The following FBXW7 variants were observed in gnomAD, a reference collection of about 807,000 sequenced individuals.
FBXW7 encodes F-box and WD repeat domain containing 7, also known as F-box/WD repeat-containing protein 7.
FBXW7 carries 11 observed loss-of-function variants against 86.3 expected under a neutral mutation model. That is an observed-to-expected ratio of 0.13 (90% CI 0.08 to 0.21). FBXW7 has a LOEUF of 0.21. Ranked by LOEUF, FBXW7 falls within the 10% of genes least tolerant of loss-of-function variation. The probability of loss-of-function intolerance (pLI) is 1.00; values close to 1 mark genes in which losing one functional copy is unlikely to be tolerated. For synonymous variants in FBXW7, 313 were observed against 297.9 expected, an observed-to-expected ratio of 1.05 and a Z score of -0.52; for missense variants, 488 against 847.4, an observed-to-expected ratio of 0.58 and a Z score of 5.27.
chr4:152,513,812 C>T (rs1748211099), intron 2 of FBXW7, among the ~76,000 whole-genome samples: 2 of 152,186 alleles, frequency 1.3e-5, no homozygotes, highest in Non-Finnish European at 2.9e-5. Flanking sequence ...GAGAGTCAAA[C>T]AGTTGTTAAA....
intron 2 of FBXW7, among the ~76,000 whole-genome samples, chr4:152,453,013 T>C (rs1245791101): frequency 6.6e-6 from 1 of 151,936 alleles, no homozygotes; most frequent in Non-Finnish European, 1.5e-5. Flanking sequence ...GAAACCCCCG[T>C]CTCAACTAAA....
intron 2 of FBXW7, among the ~76,000 whole-genome samples, chr4:152,504,870 A>T (rs920279456): frequency 6.6e-6 from 1 of 152,310 alleles, no homozygotes; most frequent in South Asian, 2.1e-4. Context: ...ATCAGGCTAA[A>T]TATCTTAAAA....
chr4:152,482,544 T>C (rs1322190773), intron 2 of FBXW7, among the ~76,000 whole-genome samples: 2 of 152,134 alleles, frequency 1.3e-5, no homozygotes, highest in East Asian at 3.8e-4. Context: ...TGGCTTGCTG[T>C]GTGTTTTCCT....
At chr4:152,434,963 C>A (rs867262741) in intron 2 of FBXW7, among the ~76,000 whole-genome samples, 15 of 150,904 alleles carry the variant, frequency 9.9e-5, no homozygotes, top group African/African-American at 1.5e-4. Context: ...CCCGCTCCCC[C>A]CCCCCCACAC....
At chr4:152,530,533 G>T (rs1188744115) in intron 2 of FBXW7, 1 of 152,168 alleles carries the variant, frequency 6.6e-6, no homozygotes, top group Admixed American at 6.5e-5. Flanking sequence ...CTACTTTTTA[G>T]CTGCATCCCT....
rs373289025 is a variant in FBXW7, at chr4:152,520,204, C to T, written c.-120+14737G>A. On this transcript the variant is annotated intron_variant, in intron 2 of 13. Transcript: ENST00000281708. ...ATCCCAGCACTTTGGGAGGCCGAGGCGGGTGGATCATGAGGTCAGGAGATC... is the reference window on the plus strand; with the variant it reads ...ATCCCAGCACTTTGGGAGGCCGAGGTGGGTGGATCATGAGGTCAGGAGATC... 5.5e-3 allele frequency among the ~76,000 whole-genome samples: 839 copies of T among 151,892 alleles called. 5 individuals carry two copies. The highest frequency in any genetic ancestry group is 0.02 in the Admixed American group (311 of 15,260).
chr4:152,460,352 G>A (rs979175822), intron 2 of FBXW7, among the ~76,000 whole-genome samples: 3 of 152,036 alleles, frequency 2.0e-5, no homozygotes, highest in African/African-American at 7.2e-5. Flanking sequence ...TCAAGTCACA[G>A]GTACTTGTTT....
intron 4 of FBXW7, among the ~76,000 whole-genome samples, chr4:152,387,809 A>G (rs1490388419): frequency 6.7e-6 from 1 of 149,898 alleles, no homozygotes; most frequent in Non-Finnish European, 1.5e-5. Flanking sequence ...CCCAGGTTCA[A>G]GCAATTCTCC....
rs555994461 is a variant in FBXW7 at position 152,322,021 on chromosome 4, G to A, written c.*860C>T. The A allele has an allele frequency of 4.3e-6, 1 of 232,692 alleles. No homozygotes were observed. The highest frequency in any genetic ancestry group is 2.2e-5 in the African/African-American group (1 of 45,202). The allele number at this position is 232,692 out of a possible 1,614,324, so 14.4% of individuals were successfully genotyped here. ...CTAGAGCAAATTTGGAATTCAGTCTGGGACTAAAACGTCACAGCAGAAAAA... is the reference window on the plus strand; with the variant it reads ...CTAGAGCAAATTTGGAATTCAGTCTAGGACTAAAACGTCACAGCAGAAAAA... On this transcript the variant is annotated 3_prime_UTR_variant, in exon 14 of 14. Transcript: ENST00000281708.
rs775781675 is a variant in FBXW7, at chr4:152,323,047, G to A, written c.1958C>T (p.Thr653Met). 1.4e-5 allele frequency: 22 copies of A among 1,613,616 alleles called. No homozygotes were observed. Among genetic ancestry groups the A allele is most frequent in the African/African-American group, 4.0e-5 (3 of 74,832 alleles). Reference sequence around the variant, plus strand: ...GACTAGGTTTCGAATAAATTCACCCGTTTTCAAGTCCCATAGTTTTACAGT... The same window carrying A: ...GACTAGGTTTCGAATAAATTCACCCATTTTCAAGTCCCATAGTTTTACAGT... ...DGTVKLWDLKTGEFIRNLVTL... is the reference protein window; with the variant it reads ...DGTVKLWDLKMGEFIRNLVTL... Residue 653 changes from threonine (T) to methionine (M), a missense_variant, in exon 14 of 14, where the codon ACG becomes ATG. This residue lies in a region of FBXW7 where 142 missense variants were observed against 406.6 expected (regional missense o/e 0.35). Transcript: ENST00000281708.
At chr4:152,500,069 T>C (rs1417785887) in intron 2 of FBXW7, among the ~76,000 whole-genome samples, 3 of 152,180 alleles carry the variant, frequency 2.0e-5, no homozygotes, top group South Asian at 2.1e-4. Flanking sequence ...ACAAAAGCAA[T>C]TGAATTACTT....
intron 2 of FBXW7, among the ~76,000 whole-genome samples, chr4:152,484,181 T>C (rs1348653393): frequency 6.6e-6 from 1 of 152,138 alleles, no homozygotes; most frequent in East Asian, 1.9e-4. Context: ...TATTACTACT[T>C]ATTTTATGGT....
At chr4:152,354,365 A>T (rs928969107) in intron 4 of FBXW7, among the ~76,000 whole-genome samples, 1 of 152,090 alleles carries the variant, frequency 6.6e-6, no homozygotes, top group Admixed American at 6.6e-5. Flanking sequence ...AATTGTTAGG[A>T]ATGGACCCAT....
At chr4:152,443,413 T>TA (rs1741084530) in intron 2 of FBXW7, among the ~76,000 whole-genome samples, 1 of 151,878 alleles carries the variant, frequency 6.6e-6, no homozygotes, top group African/African-American at 2.4e-5. Context: ...CATTTTCCTT[T>TA]CAAAAAAATA....
intron 2 of FBXW7, among the ~76,000 whole-genome samples, chr4:152,434,967 C>G (rs941878594): frequency 5.3e-5 from 8 of 151,168 alleles, no homozygotes; most frequent in East Asian, 1.9e-4. Context: ...CTCCCCCCCC[C>G]CCACACACAA....
chr4:152,417,847 T>C (rs893699032), intron 2 of FBXW7, among the ~76,000 whole-genome samples: 1 of 152,030 alleles, frequency 6.6e-6, no homozygotes, highest in African/African-American at 2.4e-5. Flanking sequence ...GCCTCTGGGC[T>C]TCTCCCAGCA....
In FBXW7 at chr4:152,366,795, T is replaced by C. The variant is rs142084252; in HGVS notation, c.502-16671A>G. On this transcript the variant is annotated intron_variant, in intron 4 of 13. Coordinates refer to ENST00000281708, the MANE Select transcript of FBXW7 (RefSeq NM_001349798.2). ...TACTGGGTATATACCCAAAGGATTA[T>C]AAATCATGCTACAATAAAGACACAT... 1.6e-3 allele frequency among the ~76,000 whole-genome samples: 238 copies of C among 152,322 alleles called. 2 individuals carry two copies. The highest frequency in any genetic ancestry group is 5.5e-3 in the African/African-American group (229 of 41,576).
chr4:152,380,250 A>G (rs1734941949), intron 4 of FBXW7, among the ~76,000 whole-genome samples: 1 of 152,026 alleles, frequency 6.6e-6, no homozygotes, highest in Non-Finnish European at 1.5e-5. Flanking sequence ...ATAACATATT[A>G]AAAATATCTT....
chr4:152,360,237 G>A (rs1732807759), intron 4 of FBXW7, among the ~76,000 whole-genome samples: 2 of 152,040 alleles, frequency 1.3e-5, no homozygotes, highest in South Asian at 4.2e-4. Flanking sequence ...TTACTGTGTG[G>A]GTGTGAAGAC....
Sources: gnomAD v4.1 joint callset for allele counts (sites outside exome capture counted in the v4.1 genomes callset) on GRCh38, gnomAD v4.1.1 for gene constraint, gnomAD v4.1.1 regional missense constraint, MANE v1.5 for transcripts, NCBI Gene and HGNC (gene_info 2026-07-23, HGNC 2026-07-21) for gene names.